The following PITPNM2 variants were observed in gnomAD, a reference collection of about 807,000 sequenced individuals.
The protein encoded by PITPNM2 is phosphatidylinositol transfer protein membrane associated 2, also known as membrane-associated phosphatidylinositol transfer protein 2.
In PITPNM2, 35 loss-of-function variants were observed where a neutral mutation model predicts 132.2. That is an observed-to-expected ratio of 0.26 (90% CI 0.20 to 0.35). The LOEUF (loss-of-function observed/expected upper bound fraction) is 0.35, where lower values mean the gene tolerates loss of function less well. Ranked by LOEUF, PITPNM2 falls within the 10% of genes least tolerant of loss-of-function variation. PITPNM2 has a pLI of 1.00. For synonymous variants in PITPNM2, 738 were observed against 799.2 expected (o/e 0.92, Z 1.29); for missense variants, 1,332 against 1,912.0 (o/e 0.70, Z 5.66).
chr12:123,109,328 G>A (rs2042786423), intron 2 of PITPNM2, among the ~76,000 whole-genome samples: 1 of 152,246 alleles, frequency 6.6e-6, no homozygotes, highest in Non-Finnish European at 1.5e-5. Context: ...CAAGGCCAGG[G>A]ATTGTGCCTG....
At chr12:123,039,694 T>TCTA (rs1181047935) in intron 2 of PITPNM2, among the ~76,000 whole-genome samples, 1 of 152,198 alleles carries the variant, frequency 6.6e-6, no homozygotes, top group Non-Finnish European at 1.5e-5. Context: ...CCTTGTGTAA[T>TCTA]CTACGGACTT....
chr12:122,996,725 C>G lies in PITPNM2; in HGVS notation c.1658G>C (p.Gly553Ala), dbSNP rs1488437159. 1 of 1,611,438 alleles carries G rather than the reference C, an allele frequency of 6.2e-7. No homozygotes were observed. The highest frequency in any genetic ancestry group is 1.1e-5 in the South Asian group (1 of 90,874). Residue 553 changes from glycine to alanine, a missense_variant, in exon 12 of 26, where the codon GGG (glycine) becomes GCG (alanine). Transcript: ENST00000320201. ...IKSQEGMTFNGQVCLIGDCVG... is the reference protein window; with the variant it reads ...IKSQEGMTFNAQVCLIGDCVG... ...CCCAACTTCCCCGGGACTCACCTGCCCATTGAAGGTCATGCCCTCCTGGGA... is the reference window on the plus strand; with the variant it reads ...CCCAACTTCCCCGGGACTCACCTGCGCATTGAAGGTCATGCCCTCCTGGGA...
At position 122,986,695 on chromosome 12, in the gene PITPNM2, T is replaced by C. The variant is rs2037949541; in HGVS notation, c.3548A>G (p.His1183Arg). Residue 1183 changes from histidine (H) to arginine (R), a missense_variant, in exon 24 of 26, where the codon CAT becomes CGT. Transcript: ENST00000320201. The stretch of plus-strand genomic sequence containing the variant: ...GTTGGCCTTGTGCCGCAGCGGGTCA[T>C]GCACCAGGCCGTCACAGAAGGACAC... ...GVVSFCDGLV[H>R]DPLRHKANFL... 2 of 1,613,400 alleles carry C rather than the reference T, an allele frequency of 1.2e-6. No homozygotes were observed. Among genetic ancestry groups the C allele is most frequent in the Non-Finnish European group, 1.7e-6 (2 of 1,179,972 alleles).
At chr12:122,990,353 C>T (rs1015446225) in intron 17 of PITPNM2, among the ~76,000 whole-genome samples, 192 bp downstream of exon 17, 10 of 152,226 alleles carry the variant, frequency 6.6e-5, no homozygotes, top group African/African-American at 1.9e-4. Flanking sequence ...TGGACTTGAC[C>T]GGTCTCTGCT....
At chr12:122,989,495 G>A in intron 18 of PITPNM2, among the ~76,000 whole-genome samples, 1 of 152,160 alleles carries the variant, frequency 6.6e-6, no homozygotes, top group East Asian at 1.9e-4. Flanking sequence ...GAGAGGCCCA[G>A]CAGCAGGGCC....
chr12:122,988,501 A>C lies in PITPNM2; in HGVS notation c.2881-151T>G, dbSNP rs1050898239. The C allele has an allele frequency of 1.2e-5, 10 of 804,136 alleles. No homozygotes were observed. In the East Asian group the frequency reaches 2.0e-4, roughly 16 times the overall value. The allele number at this position is 804,136 out of a possible 1,614,324, so 49.8% of individuals were successfully genotyped here. Reference sequence around the variant, plus strand: ...CACTACTGTCTGCCCAGTAGCCCTCAGACCCCTGTTCGTTCACCTGACGAA... The same window carrying C: ...CACTACTGTCTGCCCAGTAGCCCTCCGACCCCTGTTCGTTCACCTGACGAA... On this transcript the variant is annotated intron_variant, in intron 19 of 25. Coordinates refer to ENST00000320201, the MANE Select transcript of PITPNM2 (RefSeq NM_020845.3).
chr12:123,134,361 A>G (rs2043330595), intron 1 of PITPNM2, among the ~76,000 whole-genome samples: 1 of 152,086 alleles, frequency 6.6e-6, no homozygotes. Context: ...ACCACCCCTG[A>G]GCCATATGAC....
At chr12:123,144,559 G>A (rs931419482) in intron 1 of PITPNM2, among the ~76,000 whole-genome samples, 1 of 152,190 alleles carries the variant, frequency 6.6e-6, no homozygotes, top group African/African-American at 2.4e-5. Flanking sequence ...AGCCTCCTGA[G>A]TAGCTGGGAT....
intron 2 of PITPNM2, among the ~76,000 whole-genome samples, chr12:123,076,717 C>A (rs1273282358): frequency 6.6e-6 from 1 of 152,212 alleles, no homozygotes; most frequent in African/African-American, 2.4e-5. Context: ...TCCCTGGTAC[C>A]TGAACTCTGA....
intron 1 of PITPNM2, among the ~76,000 whole-genome samples, chr12:123,127,603 TTTC>T (rs2043167559): frequency 6.6e-6 from 1 of 151,116 alleles, no homozygotes; most frequent in Non-Finnish European, 1.5e-5. Context: ...CCTGCCTCTT[TTTC>T]TTTCTTTTTT....
intron 2 of PITPNM2, among the ~76,000 whole-genome samples, chr12:123,039,632 T>C (rs558688876): frequency 6.6e-6 from 1 of 152,316 alleles, no homozygotes; most frequent in East Asian, 1.9e-4. Flanking sequence ...GGCGGATGCA[T>C]GTCCTCATAC....
chr12:123,129,130 C>G (rs1593030859), intron 1 of PITPNM2, among the ~76,000 whole-genome samples: 1 of 150,618 alleles, frequency 6.6e-6, no homozygotes, highest in East Asian at 2.0e-4. Flanking sequence ...AAGCGAAACT[C>G]AATCTCAAAA....
At chr12:122,988,377 T>A in intron 19 of PITPNM2, 27 bp from the exon 20 acceptor site, 1 of 1,594,608 alleles carries the variant, frequency 6.3e-7, no homozygotes, top group Non-Finnish European at 8.6e-7. Context: ...GTGCAGGCTG[T>A]GGGGCAGATG....
chr12:123,019,996 C>T (rs933615234), intron 3 of PITPNM2, among the ~76,000 whole-genome samples: 1 of 152,148 alleles, frequency 6.6e-6, no homozygotes, highest in African/African-American at 2.4e-5. Flanking sequence ...AGAGGGAGCC[C>T]TGGAAGCGTG....
At chr12:122,997,123 G>A (rs1004138183) in intron 11 of PITPNM2, among the ~76,000 whole-genome samples, 1 of 152,202 alleles carries the variant, frequency 6.6e-6, no homozygotes, top group African/African-American at 2.4e-5. Flanking sequence ...TGGAAACGAA[G>A]GCTCAGCCAT....
chr12:123,066,282 G>T (rs950499817), intron 2 of PITPNM2, among the ~76,000 whole-genome samples: 1 of 152,168 alleles, frequency 6.6e-6, no homozygotes, highest in African/African-American at 2.4e-5. Context: ...AGGGCCTGAC[G>T]AGGGGTAGAG....
rs10658758 is a variant in PITPNM2 at position 123,132,521 on chromosome 12, C to CTT, written c.-200+18230_-200+18231dup. On this transcript the variant is annotated intron_variant, in intron 1 of 25. Transcript: ENST00000320201. Reference sequence around the variant, plus strand: ...GTCATTCTTTTGTTCTTTTCTTTCCCTTTTTTTTTTTTTACCATTTTGACA... The same window carrying CTT: ...GTCATTCTTTTGTTCTTTTCTTTCCCTTTTTTTTTTTTTTTACCATTTTGACA... Among the ~76,000 whole-genome samples the CTT allele has an allele frequency of 4.9e-3, 711 of 145,030 alleles. 10 individuals carry two copies. Among genetic ancestry groups the CTT allele is most frequent in the African/African-American group, 0.013 (522 of 39,740 alleles).
chr12:122,997,510 C>A lies in PITPNM2; in HGVS notation c.1287G>T (p.Leu429=). Reference sequence around the variant, plus strand: ...CTGTGTCCAGGATGGTGCCTCCGTGCAGCACCAGTAGCAGCACGTGGATCT... The same window carrying A: ...CTGTGTCCAGGATGGTGCCTCCGTGAAGCACCAGTAGCAGCACGTGGATCT... ...PSKIHVLLLV[L]HGGTILDTGA... Residue 429 remains leucine, a synonymous_variant, in exon 11 of 26, where the codon CTG becomes CTT. Transcript: ENST00000320201. The A allele has an allele frequency of 6.2e-7, 1 of 1,613,394 alleles. No individual in the cohort carries two copies. Among genetic ancestry groups the A allele is most frequent in the Non-Finnish European group, 8.5e-7 (1 of 1,179,946 alleles).
At chr12:123,069,898 T>C (rs1256189967) in intron 2 of PITPNM2, among the ~76,000 whole-genome samples, 2 of 152,192 alleles carry the variant, frequency 1.3e-5, no homozygotes, top group African/African-American at 4.8e-5. Context: ...CAGATTCTGG[T>C]CATCTGCCCT....
Sources: allele counts gnomAD v4.1 joint callset (sites outside exome capture counted in the v4.1 genomes callset), GRCh38; gene constraint gnomAD v4.1.1; transcripts MANE v1.5; gene names NCBI Gene and HGNC (gene_info 2026-07-23, HGNC 2026-07-21).